The following VPS4A variants were observed in gnomAD, a reference collection of about 807,000 sequenced individuals.
VPS4A encodes vacuolar protein sorting-associated protein 4A.
VPS4A carries 20 observed loss-of-function variants against 52.3 expected under a neutral mutation model. The ratio of observed to expected loss-of-function variants is 0.38; its 90% CI spans 0.27 to 0.56. The LOEUF (loss-of-function observed/expected upper bound fraction) is 0.56. Ranked by LOEUF, VPS4A falls within the 20% of genes least tolerant of loss-of-function variation. The pLI, the probability that VPS4A is intolerant of heterozygous loss-of-function variation, is 0.72. For synonymous variants in VPS4A, 293 were observed against 227.7 expected, an observed-to-expected ratio of 1.29 and a Z score of -2.58; for missense variants, 419 against 575.9, an observed-to-expected ratio of 0.73 and a Z score of 2.79.
chr16:69,324,031 C>A (rs1965551273), intron 10 of VPS4A, among the ~76,000 whole-genome samples, 177 bp from the exon 11 acceptor site: 2 of 152,042 alleles, frequency 1.3e-5, no homozygotes, highest in South Asian at 4.2e-4. Flanking sequence ...GGAGGAGGCC[C>A]ATCTGAGCTG....
chr16:69,324,095 G>GT, intron 10 of VPS4A, 113 bp from the exon 11 acceptor site: 2 of 1,007,362 alleles, frequency 2.0e-6, no homozygotes, highest in Admixed American at 4.3e-5. Flanking sequence ...GGCCTCTGGG[G>GT]TGGCCTTGAA....
intron 9 of VPS4A, 48 bp from the exon 10 acceptor site, chr16:69,322,512 C>T (rs770102823): frequency 1.3e-6 from 2 of 1,577,286 alleles, no homozygotes; most frequent in South Asian, 1.2e-5. Flanking sequence ...GGTCGAGCCC[C>T]TCTGACACTG....
intron 3 of VPS4A, among the ~76,000 whole-genome samples, chr16:69,317,101 C>G (rs1375375127): frequency 6.6e-6 from 1 of 152,172 alleles, no homozygotes; most frequent in East Asian, 1.9e-4. Context: ...GCGAGGCCTC[C>G]TCCTGGATGG....
chr16:69,319,290 T>C (rs1965480442), intron 5 of VPS4A, 97 bp from the exon 6 acceptor site: 1 of 1,509,140 alleles, frequency 6.6e-7, no homozygotes, highest in Non-Finnish European at 9.0e-7. Context: ...TTTCACAGAA[T>C]GCCCTGTTTT....
At chr16:69,322,314 G>A (rs1457694064) in intron 9 of VPS4A, 4 of 387,668 alleles carry the variant, frequency 1.0e-5, no homozygotes, top group Non-Finnish European at 1.9e-5. Flanking sequence ...TAATGTCACT[G>A]TATTCCTGGT....
chr16:69,317,821 A>G (rs1243057427), intron 3 of VPS4A, among the ~76,000 whole-genome samples: 1 of 151,632 alleles, frequency 6.6e-6, no homozygotes, highest in African/African-American at 2.4e-5. Flanking sequence ...GCATTGTGGC[A>G]TGTGCCTGTA....
intron 10 of VPS4A, chr16:69,322,971 G>A (rs2143269780): frequency 4.4e-6 from 1 of 226,574 alleles, no homozygotes; most frequent in Middle Eastern, 1.5e-3. Flanking sequence ...AGGAGGCTGA[G>A]GCAGAAGGAT....
intron 9 of VPS4A, 100 bp from the exon 10 acceptor site, chr16:69,322,460 C>A: frequency 7.5e-7 from 1 of 1,326,062 alleles, no homozygotes; most frequent in Non-Finnish European, 1.0e-6. Flanking sequence ...ATGCTAGGGA[C>A]CCACAGAGCA....
At position 69,317,600 on chromosome 16, in the gene VPS4A, T is replaced by C. The variant is rs1308521545; in HGVS notation, c.282-1050T>C. On this transcript the variant is annotated intron_variant, in intron 3 of 10. Coordinates refer to ENST00000254950, the MANE Select transcript of VPS4A (RefSeq NM_013245.3). ...CGAGGTCAGGAGATTGAGACCATCC[T>C]GGCTAACACGGTGAAACCCCGTCTC... Among the ~76,000 whole-genome samples, 4 of 152,154 alleles carry C rather than the reference T, an allele frequency of 2.6e-5. No individual in the cohort carries two copies. In the South Asian group the frequency reaches 6.2e-4, roughly 24 times the overall value.
In VPS4A at chr16:69,324,332, G is replaced by A; in HGVS notation, c.*23G>A. The stretch of plus-strand genomic sequence containing the variant: ...TAAAAGCTGCTTCACTTGGGCAATG[G>A]TGAAGGTGGGAGGTTGATTGGGGCA... On this transcript the variant is annotated 3_prime_UTR_variant, in exon 11 of 11. Coordinates refer to ENST00000254950, the MANE Select transcript of VPS4A (RefSeq NM_013245.3). 1 of 1,610,328 alleles carries A rather than the reference G, an allele frequency of 6.2e-7. No individual in the cohort carries two copies. Among genetic ancestry groups the A allele is most frequent in the Non-Finnish European group, 8.5e-7 (1 of 1,178,108 alleles).
chr16:69,320,349 T>G lies in VPS4A; in HGVS notation c.769+60T>G. The G allele has an allele frequency of 3.1e-6, 5 of 1,588,226 alleles. No individual in the cohort carries two copies. The highest frequency in any genetic ancestry group is 4.3e-6 in the Non-Finnish European group (5 of 1,162,520). ...TTGCACCTGAAGCCAACCCTGGGCT[T>G]TATTCTGAGCTGCGGCTGGATTTGG... On this transcript the variant is annotated intron_variant, in intron 7 of 10. Coordinates refer to ENST00000254950, the MANE Select transcript of VPS4A (RefSeq NM_013245.3). This position sits in a 1 kb window ranked among gnomAD's most constrained non-coding sequence, Gnocchi z 4.2.
At position 69,324,239 on chromosome 16, in the gene VPS4A, G is replaced by A. The variant is rs1438154375; in HGVS notation, c.1244G>A (p.Arg415Gln). The change falls in exon 11 of 11, where the codon CGG becomes CAG. Residue 415 changes from arginine to glutamine, a missense_variant. By Grantham distance (43) the Arg-to-Gln change is conservative (BLOSUM62 1). Around this residue, in one of 3 missense-constraint regions of VPS4A, gnomAD observed 185 missense variants for 200.2 expected, o/e 0.92. Transcript: ENST00000254950. The stretch of plus-strand genomic sequence containing the variant: ...ATGCTGCGGTCTCTGGCCACCACCC[G>A]GCCCACGGTGAATGCAGACGACCTC... ...SDMLRSLATT[R>Q]PTVNADDLLK... 3 of 1,613,810 alleles carry A rather than the reference G, an allele frequency of 1.9e-6. No homozygotes were observed. The highest frequency in any genetic ancestry group is 1.7e-6 in the Non-Finnish European group (2 of 1,179,856).
chr16:69,318,023 T>C (rs1415097210), intron 3 of VPS4A, among the ~76,000 whole-genome samples: 994 of 94,908 alleles, frequency 0.01, 8 homozygotes, highest in Non-Finnish European at 0.016. Context: ...TTTTTTTTTT[T>C]CCCCCAGACA....
rs573064550 is a variant in VPS4A, at chr16:69,320,368, G to A, written c.769+79G>A. The A allele has an allele frequency of 3.5e-5, 55 of 1,563,094 alleles. 1 individual carries two copies. The South Asian group carries it at 6.2e-4, about 18-fold the overall frequency. On this transcript the variant is annotated intron_variant, in intron 7 of 10. Coordinates refer to ENST00000254950, the MANE Select transcript of VPS4A (RefSeq NM_013245.3). The surrounding 1 kb of genome is among the most constrained non-coding windows in gnomAD (Gnocchi z 4.2). Reference sequence around the variant, plus strand: ...TGGGCTTTATTCTGAGCTGCGGCTGGATTTGGTTGTTCTCAGCCTCGGAGA... The same window carrying A: ...TGGGCTTTATTCTGAGCTGCGGCTGAATTTGGTTGTTCTCAGCCTCGGAGA...
chr16:69,322,649 G>C lies in VPS4A; in HGVS notation c.1161G>C (p.Met387Ile), dbSNP rs372824425. ...CSPGDPGAME[M>I]TWMDVPGDKL... ...CAGGGGACCCAGGAGCCATGGAGAT[G>C]ACTTGGATGGATGTCCCTGGGGACA... The change falls in exon 10 of 11, where the codon ATG becomes ATC. Residue 387 changes from methionine to isoleucine, a missense_variant. Physicochemically the swap from Met to Ile is conservative, Grantham distance 10. Transcript: ENST00000254950. 5 of 1,613,846 alleles carry C rather than the reference G, an allele frequency of 3.1e-6. No individual in the cohort carries two copies. In the African/African-American group the frequency reaches 6.7e-5, roughly 22 times the overall value.
At position 69,321,081 on chromosome 16, in the gene VPS4A, G is replaced by A. The variant is rs773999093; in HGVS notation, c.882G>A (p.Pro294=). The A allele has an allele frequency of 1.3e-6, 2 of 1,593,670 alleles. No homozygotes were observed. Among genetic ancestry groups the A allele is most frequent in the South Asian group, 1.1e-5 (1 of 87,282 alleles). The change falls in exon 9 of 11, where the codon CCG becomes CCA. Residue 294 remains proline, a synonymous_variant. Coordinates refer to ENST00000254950, the MANE Select transcript of VPS4A (RefSeq NM_013245.3). This position sits in a 1 kb window ranked among gnomAD's most constrained non-coding sequence, Gnocchi z 4.5. The part of the protein sequence containing the change: ...RFEKRIYIPL[P]EEAARAQMFR... ...AAAAACGAATTTATATCCCCTTGCCGGAGGAAGCTGCCCGCGCCCAGATGT... is the reference window on the plus strand; with the variant it reads ...AAAAACGAATTTATATCCCCTTGCCAGAGGAAGCTGCCCGCGCCCAGATGT...
intron 10 of VPS4A, 108 bp downstream of exon 10, chr16:69,322,808 G>A (rs1268902463): frequency 1.6e-5 from 22 of 1,412,926 alleles, no homozygotes; most frequent in African/African-American, 2.9e-5. Context: ...GGTAGCTCAC[G>A]CCTGTAATCC....
rs548196927 is a variant in VPS4A at position 69,318,795 on chromosome 16, C to G, written c.344-28C>G. 4 of 1,611,348 alleles carry G rather than the reference C, an allele frequency of 2.5e-6. No individual in the cohort carries two copies. The African/African-American group carries it at 4.0e-5, about 16-fold the overall frequency. ...TTGGCTCATGCCCCTTGGCCGGGCC[C>G]GGGCCCGGGCCGGCCTCCCTCTCGC... is the stretch of plus-strand genomic sequence containing the variant. On this transcript the variant is annotated intron_variant, in intron 4 of 10. Coordinates refer to ENST00000254950, the MANE Select transcript of VPS4A (RefSeq NM_013245.3).
chr16:69,316,930 G>A (rs1965444294), intron 3 of VPS4A, among the ~76,000 whole-genome samples: 1 of 152,180 alleles, frequency 6.6e-6, no homozygotes, highest in Non-Finnish European at 1.5e-5. Flanking sequence ...CCCAGCCAGG[G>A]TCCTCTCCAC....
Sources: gnomAD v4.1 joint callset for allele counts (sites outside exome capture counted in the v4.1 genomes callset) on GRCh38, gnomAD v4.1.1 for gene constraint, gnomAD v4.1.1 regional missense constraint, Gnocchi (gnomAD v3.1) non-coding constraint, MANE v1.5 for transcripts, NCBI Gene and HGNC (gene_info 2026-07-23, HGNC 2026-07-21) for gene names.